Variants in AURKA observed in about 807,000 individuals in gnomAD.
AURKA encodes aurora kinase A, also known as aurora 2.
In AURKA, 12 loss-of-function variants were observed where a neutral mutation model predicts 40.9. The observed-to-expected ratio is 0.29, with a 90% CI of 0.19 to 0.48. The LOEUF (loss-of-function observed/expected upper bound fraction) is 0.48. AURKA is among the 20% of genes least tolerant of loss of function. The pLI is 0.99. For missense variants in AURKA, 322 were observed against 462.1 expected, an observed-to-expected ratio of 0.70 and a Z score of 2.78; for synonymous variants, 170 against 164.3, an observed-to-expected ratio of 1.03 and a Z score of -0.26.
At position 56,373,434 on chromosome 20, in the gene AURKA, C is replaced by T; in HGVS notation, c.828G>A (p.Gly276=). 5 of 1,613,906 alleles carry T rather than the reference C, an allele frequency of 3.1e-6. No homozygotes were observed. Among genetic ancestry groups the T allele is most frequent in the Non-Finnish European group, 4.2e-6 (5 of 1,180,018 alleles). Residue 276 remains glycine (G), a synonymous_variant, in exon 7 of 9, where the codon GGG becomes GGA. Transcript: ENST00000395915. The surrounding 1 kb of genome is among the most constrained non-coding windows in gnomAD (Gnocchi z 5.0). ...TGGAAGATGGAGCATGTACTGACCA[C>T]CCAAAATCTGCAATTTTAAGCTCTC... is the stretch of plus-strand genomic sequence containing the variant. ...SAGELKIADF[G]WSVHAPSSRR...
chr20:56,370,296 G>T lies in AURKA; in HGVS notation c.1074C>A (p.Asp358Glu), dbSNP rs757867582. Reference sequence around the variant, plus strand: ...TATGCTTCAACAGTCTTGAAATGAGGTCCCTGGCTCCCTCTGTTACAAAGT... The same window carrying T: ...TATGCTTCAACAGTCTTGAAATGAGTTCCCTGGCTCCCTCTGTTACAAAGT... ...FPDFVTEGAR[D>E]LISRLLKHNP... is the part of the protein sequence containing the mutation. The change falls in exon 9 of 9, where the codon GAC (aspartate) becomes GAA (glutamate). Residue 358 changes from aspartate to glutamate, a missense_variant. Physicochemically the swap from Asp to Glu is conservative, Grantham distance 45 (BLOSUM62 2). Coordinates refer to ENST00000395915, the MANE Select transcript of AURKA (RefSeq NM_198437.3). The T allele has an allele frequency of 1.2e-6, 2 of 1,614,194 alleles. No individual in the cohort carries two copies. The highest frequency in any genetic ancestry group is 2.2e-5 in the South Asian group (2 of 91,086).
intron 1 of AURKA, chr20:56,388,913 T>C (rs898674916): frequency 1.3e-5 from 2 of 152,614 alleles, no homozygotes; most frequent in African/African-American, 2.4e-5. Context: ...CCGTCCACAC[T>C]TGCCACCTCT....
At chr20:56,385,831 C>T (rs529948458) in intron 3 of AURKA, among the ~76,000 whole-genome samples, 19 of 152,262 alleles carry the variant, frequency 1.2e-4, no homozygotes, top group African/African-American at 4.1e-4. Context: ...CTTCCAAATG[C>T]CCTAGAGATG....
intron 7 of AURKA, among the ~76,000 whole-genome samples, chr20:56,371,884 T>C (rs1439983033): frequency 1.3e-5 from 2 of 152,238 alleles, no homozygotes; most frequent in African/African-American, 2.4e-5. Context: ...TCTATTATAG[T>C]GCTTAAGGTT....
chr20:56,374,940 C>T (rs1418044570), intron 6 of AURKA, among the ~76,000 whole-genome samples: 1 of 151,924 alleles, frequency 6.6e-6, no homozygotes, highest in East Asian at 1.9e-4. Context: ...CGCAGCTACT[C>T]GGGAGGCTGA....
chr20:56,376,977 G>A (rs1985003933), intron 6 of AURKA, among the ~76,000 whole-genome samples: 1 of 152,122 alleles, frequency 6.6e-6, no homozygotes, highest in East Asian at 1.9e-4. Flanking sequence ...CTACTCAGGA[G>A]GCTGAGGCAG....
chr20:56,374,585 T>C (rs1206488906), intron 6 of AURKA, among the ~76,000 whole-genome samples: 1 of 152,116 alleles, frequency 6.6e-6, no homozygotes, highest in African/African-American at 2.4e-5. Flanking sequence ...GTTAATTTTA[T>C]TTCCTTAAGT....
chr20:56,377,055 C>A (rs1985020506), intron 6 of AURKA, among the ~76,000 whole-genome samples: 1 of 152,000 alleles, frequency 6.6e-6, no homozygotes, highest in Non-Finnish European at 1.5e-5. Flanking sequence ...TCACTGCCCT[C>A]CAGCCTGGGT....
At chr20:56,381,005 A>G (rs1985637329) in intron 6 of AURKA, among the ~76,000 whole-genome samples, 1 of 152,152 alleles carries the variant, frequency 6.6e-6, no homozygotes, top group African/African-American at 2.4e-5. Context: ...TATCCTAGCC[A>G]GGTACAATGG....
chr20:56,382,894 A>C, intron 5 of AURKA, 91 bp downstream of exon 5: 3 of 1,404,598 alleles, frequency 2.1e-6, no homozygotes. Context: ...GAGGGAGTGA[A>C]GGGACCTGGG....
chr20:56,390,843 T>G (rs370343589), intron 1 of AURKA, among the ~76,000 whole-genome samples: 28 of 152,344 alleles, frequency 1.8e-4, no homozygotes, highest in Middle Eastern at 3.4e-3. Context: ...ATTTCACACA[T>G]GCTCTAATGC....
At position 56,373,302 on chromosome 20, in the gene AURKA, C is replaced by A. The variant is rs908752393; in HGVS notation, c.854+106G>T. 3.5e-5 allele frequency: 53 copies of A among 1,511,386 alleles called. No homozygotes were observed. The African/African-American group carries it at 6.9e-4, about 20-fold the overall frequency. The allele number at this position is 1,511,386 out of a possible 1,614,324, so 93.6% of individuals were successfully genotyped here. On this transcript the variant is annotated intron_variant, in intron 7 of 8. Coordinates refer to ENST00000395915, the MANE Select transcript of AURKA (RefSeq NM_198437.3). The surrounding 1 kb of genome is among the most constrained non-coding windows in gnomAD (Gnocchi z 5.0). Reference sequence around the variant, plus strand: ...AAAGTACTTCTGGGTTAGCCACCTACCCCTCTTACAGCACAAAATCTACAC... The same window carrying A: ...AAAGTACTTCTGGGTTAGCCACCTAACCCTCTTACAGCACAAAATCTACAC...
chr20:56,369,851 G>T lies in AURKA; in HGVS notation c.*307C>A. On this transcript the variant is annotated 3_prime_UTR_variant, in exon 9 of 9. Coordinates refer to ENST00000395915, the MANE Select transcript of AURKA (RefSeq NM_198437.3). ...TTCCCCACAGCCAGGCTCTGGATTTGCCTCCTGTGAAGACACCATGCCTAG... is the reference window on the plus strand; with the variant it reads ...TTCCCCACAGCCAGGCTCTGGATTTTCCTCCTGTGAAGACACCATGCCTAG... The T allele has an allele frequency of 2.0e-6, 1 of 491,698 alleles. No homozygotes were observed. The highest frequency in any genetic ancestry group is 3.3e-5 in the Admixed American group (1 of 30,486). 30.5% of individuals were successfully genotyped at this position (491,698 alleles called of 1,614,324 possible).
chr20:56,390,973 T>A (rs936043237), intron 1 of AURKA, among the ~76,000 whole-genome samples: 1 of 152,132 alleles, frequency 6.6e-6, no homozygotes, highest in Non-Finnish European at 1.5e-5. Flanking sequence ...CTACCTTTCT[T>A]TCTAGGGAAA....
intron 6 of AURKA, among the ~76,000 whole-genome samples, chr20:56,380,673 A>C (rs1001772182): frequency 1.3e-5 from 2 of 152,298 alleles, no homozygotes; most frequent in East Asian, 1.9e-4. Flanking sequence ...AAACCAGACA[A>C]ACACTCTCTG....
At chr20:56,384,349 G>C (rs2146196405) in intron 3 of AURKA, 25 bp from the exon 4 acceptor site, 1 of 1,541,100 alleles carries the variant, frequency 6.5e-7, no homozygotes, top group Non-Finnish European at 9.0e-7. Context: ...TTAAAAACCT[G>C]TTTTTAGAAT....
At chr20:56,384,467 T>A in intron 3 of AURKA, 143 bp from the exon 4 acceptor site, 1 of 674,946 alleles carries the variant, frequency 1.5e-6, no homozygotes, top group Non-Finnish European at 2.5e-6. Flanking sequence ...TTTTTAAAGT[T>A]TTCCTTATAG....
rs774110467 is a variant in AURKA, at chr20:56,381,468, T to G, written c.670A>C (p.Lys224Gln). ...PLGTVYRELQ[K>Q]LSKFDEQRTA... ...CTCTGCTCATCAAACTTTGAAAGTTTCTGAAGTTCTCTATAAACTGTTCCA... is the reference window on the plus strand; with the variant it reads ...CTCTGCTCATCAAACTTTGAAAGTTGCTGAAGTTCTCTATAAACTGTTCCA... The change falls in exon 6 of 9, where the codon AAA becomes CAA. Residue 224 changes from lysine (K) to glutamine (Q), a missense_variant. By Grantham distance (53) the Lys-to-Gln change is moderately conservative. Transcript: ENST00000395915. The G allele has an allele frequency of 6.2e-7, 1 of 1,613,680 alleles. No homozygotes were observed. The highest frequency in any genetic ancestry group is 2.2e-5 in the East Asian group (1 of 44,834).
Position 56,373,811 on chromosome 20 carries a change from G to T in AURKA, c.706-255C>A, listed in dbSNP as rs1446880338. ...ACAAAAATTTAAAAATTAGCTGAGC[G>T]TGATGGTGCATGCCTGTAGTCCCAG... On this transcript the variant is annotated intron_variant, in intron 6 of 8. Transcript: ENST00000395915. The surrounding 1 kb of genome is among the most constrained non-coding windows in gnomAD (Gnocchi z 5.0). 6.6e-6 allele frequency among the ~76,000 whole-genome samples: 1 copy of T among 152,086 alleles called. No homozygotes were observed. The highest frequency in any genetic ancestry group is 1.9e-4 in the East Asian group (1 of 5,186).
Sources: allele counts gnomAD v4.1 joint callset (sites outside exome capture counted in the v4.1 genomes callset), GRCh38; gene constraint gnomAD v4.1.1; non-coding constraint Gnocchi (gnomAD v3.1); transcripts MANE v1.5; gene names NCBI Gene and HGNC (gene_info 2026-07-23, HGNC 2026-07-21).